The following ZHX2 variants were observed in gnomAD, a reference collection of about 807,000 sequenced individuals.
The protein encoded by ZHX2 is zinc fingers and homeoboxes 2, also known as zinc fingers and homeoboxes protein 2.
A neutral mutation model predicts 21.9 loss-of-function variants in ZHX2; 6 were observed. That is an observed-to-expected ratio of 0.27 (90% CI 0.15 to 0.54). The LOEUF (loss-of-function observed/expected upper bound fraction) is 0.54, where lower values mean the gene tolerates loss of function less well. Ranked by LOEUF, ZHX2 falls within the 20% of genes least tolerant of loss-of-function variation. The pLI is 0.95. For synonymous variants in ZHX2, 434 were observed against 437.1 expected, an observed-to-expected ratio of 0.99 and a Z score of 0.09; for missense variants, 908 against 1,090.7, an observed-to-expected ratio of 0.83 and a Z score of 2.36.
intron 2 of ZHX2, among the ~76,000 whole-genome samples, chr8:122,908,102 A>G (rs780730570): frequency 3.3e-5 from 5 of 152,264 alleles, no homozygotes; most frequent in Admixed American, 6.5e-5. Flanking sequence ...TGGAATGACA[A>G]TCCTCGCCCC....
intron 1 of ZHX2, among the ~76,000 whole-genome samples, chr8:122,854,585 T>C (rs1340447398): frequency 6.6e-6 from 1 of 152,226 alleles, no homozygotes; most frequent in African/African-American, 2.4e-5. Flanking sequence ...TCCTCACCTG[T>C]GGGACATGAA....
intron 2 of ZHX2, among the ~76,000 whole-genome samples, chr8:122,919,769 G>A (rs1265558769): frequency 6.6e-6 from 1 of 152,178 alleles, no homozygotes; most frequent in Non-Finnish European, 1.5e-5. Context: ...TCTGAGAAAT[G>A]GAGCTTCACT....
intron 1 of ZHX2, among the ~76,000 whole-genome samples, chr8:122,846,549 A>AT (rs201581677): frequency 0.062 from 6,917 of 111,214 alleles, 229 homozygotes; most frequent in Non-Finnish European, 0.067. Context: ...GACTTTGTGT[A>AT]TTTTTTTTTT....
In ZHX2 at chr8:122,953,328, C is replaced by A. The variant is rs1813187516; in HGVS notation, c.1818C>A (p.Ala606=). The A allele has an allele frequency of 6.2e-7, 1 of 1,613,880 alleles. No individual in the cohort carries two copies. Among genetic ancestry groups the A allele is most frequent in the East Asian group, 2.2e-5 (1 of 44,844 alleles). ...GCAAAAAAGGCCAAGATGTGGGAGC[C>A]CCCAATGGTGCTCTGTCTCGACTCG... ...GSGKKGQDVG[A]PNGALSRLDQ... The change falls in exon 3 of 4, where the codon GCC becomes GCA. Residue 606 remains alanine, a synonymous_variant. Coordinates refer to ENST00000314393, the MANE Select transcript of ZHX2 (RefSeq NM_014943.5). The surrounding 1 kb of genome is among the most constrained non-coding windows in gnomAD (Gnocchi z 4.6).
intron 2 of ZHX2, among the ~76,000 whole-genome samples, chr8:122,947,296 G>A (rs930815342): frequency 1.3e-5 from 2 of 151,908 alleles, no homozygotes; most frequent in Admixed American, 6.6e-5. Context: ...TGCCTTGATG[G>A]AGTTTCTGTT....
chr8:122,948,523 G>T (rs1313612893), intron 2 of ZHX2, among the ~76,000 whole-genome samples: 1 of 152,054 alleles, frequency 6.6e-6, no homozygotes, highest in Non-Finnish European at 1.5e-5. Flanking sequence ...AAATAACCAA[G>T]AACTGTTTTG....
intron 1 of ZHX2, among the ~76,000 whole-genome samples, chr8:122,827,065 G>C (rs1212132007): frequency 5.3e-5 from 8 of 152,180 alleles, no homozygotes; most frequent in African/African-American, 1.9e-4. Flanking sequence ...CTCGCTCCCA[G>C]GCTGGAGGGC....
rs114433745 is a variant in ZHX2, at chr8:122,959,742, T to C, written c.*4+5714T>C. Among the ~76,000 whole-genome samples, 1,044 of 152,292 alleles carry C rather than the reference T, an allele frequency of 6.9e-3. 8 individuals are homozygous for C. Among genetic ancestry groups the C allele is most frequent in the African/African-American group, 0.024 (990 of 41,562 alleles). On this transcript the variant is annotated intron_variant, in intron 3 of 3. Coordinates refer to ENST00000314393, the MANE Select transcript of ZHX2 (RefSeq NM_014943.5). ...CAAGAGAAAGGCCTGTTGGAGAATC[T>C]GTCACCAGATATTTACTGGTGATGC...
intron 1 of ZHX2, among the ~76,000 whole-genome samples, chr8:122,813,202 A>G (rs916152882): frequency 2.0e-5 from 3 of 151,978 alleles, no homozygotes; most frequent in African/African-American, 7.2e-5. Context: ...GTCTCAAAAA[A>G]AAAAAAAAAA....
intron 2 of ZHX2, among the ~76,000 whole-genome samples, chr8:122,927,186 T>G (rs2130118057): frequency 6.6e-6 from 1 of 152,322 alleles, no homozygotes; most frequent in East Asian, 1.9e-4. Context: ...TAGTCTGTTC[T>G]CATGCTGCTA....
intron 3 of ZHX2, among the ~76,000 whole-genome samples, chr8:122,969,015 G>A (rs1201717240): frequency 6.6e-6 from 1 of 151,986 alleles, no homozygotes; most frequent in East Asian, 1.9e-4. Context: ...AAAAATTAGA[G>A]CCGGGTGTGG....
intron 2 of ZHX2, among the ~76,000 whole-genome samples, chr8:122,895,482 T>C (rs1820078163): frequency 6.6e-6 from 1 of 152,236 alleles, no homozygotes; most frequent in Admixed American, 6.5e-5. Flanking sequence ...AATGAATTTC[T>C]ATAAGCCCTT....
intron 2 of ZHX2, among the ~76,000 whole-genome samples, chr8:122,906,115 C>T (rs1360402746): frequency 6.6e-6 from 1 of 152,180 alleles, no homozygotes; most frequent in East Asian, 1.9e-4. Flanking sequence ...TTATTATAAA[C>T]CCCAAACTAT....
chr8:122,928,678 G>A (rs1225098776), intron 2 of ZHX2, among the ~76,000 whole-genome samples: 1 of 152,176 alleles, frequency 6.6e-6, no homozygotes, highest in Non-Finnish European at 1.5e-5. Flanking sequence ...TGGGACTAGT[G>A]TGGAGCCATC....
At chr8:122,797,531 T>C (rs972397668) in intron 1 of ZHX2, among the ~76,000 whole-genome samples, 3 of 152,196 alleles carry the variant, frequency 2.0e-5, no homozygotes, top group Admixed American at 6.5e-5. Context: ...AGGCAACCAA[T>C]TTCCCTTTTA....
rs2130297204 is a variant in ZHX2 at position 122,953,824 on chromosome 8, T to C, written c.2314T>C (p.Ser772Pro). The stretch of plus-strand genomic sequence containing the variant: ...GCCCTCAGAGGCCACCTCAGACCGG[T>C]CAGAGGGCAGCAGCCGGGACGGCCA... ...AKPSEATSDRSEGSSRDGQGS... is the reference protein window; with the variant it reads ...AKPSEATSDRPEGSSRDGQGS... Residue 772 changes from serine to proline, a missense_variant, in exon 3 of 4, where the codon TCA becomes CCA. Ser to Pro is a moderately conservative substitution (Grantham distance 74). Coordinates refer to ENST00000314393, the MANE Select transcript of ZHX2 (RefSeq NM_014943.5). The surrounding 1 kb of genome is among the most constrained non-coding windows in gnomAD (Gnocchi z 4.6). 1 of 1,614,146 alleles carries C rather than the reference T, an allele frequency of 6.2e-7. No homozygotes were observed. The highest frequency in any genetic ancestry group is 2.2e-5 in the East Asian group (1 of 44,882).
chr8:122,948,930 T>C (rs1447024370), intron 2 of ZHX2, among the ~76,000 whole-genome samples: 1 of 152,210 alleles, frequency 6.6e-6, no homozygotes, highest in East Asian at 1.9e-4. Context: ...AAAATCACAA[T>C]GAAAGAGGCT....
At chr8:122,955,251 G>C (rs750411824) in intron 3 of ZHX2, among the ~76,000 whole-genome samples, 1 of 54,286 alleles carries the variant, frequency 1.8e-5, no homozygotes, top group African/African-American at 1.1e-4. Context: ...GGGAGGGCTG[G>C]TGGGAGGGAA....
At chr8:122,886,618 G>A (rs35629958) in intron 2 of ZHX2, among the ~76,000 whole-genome samples, 3,596 of 152,228 alleles carry the variant, frequency 0.024, 92 homozygotes, top group African/African-American at 0.067. Context: ...ATTTTTTTCT[G>A]TAGACCTAAA....
Sources: gnomAD v4.1 joint callset for allele counts (sites outside exome capture counted in the v4.1 genomes callset) on GRCh38, gnomAD v4.1.1 for gene constraint, Gnocchi (gnomAD v3.1) non-coding constraint, MANE v1.5 for transcripts, NCBI Gene and HGNC (gene_info 2026-07-23, HGNC 2026-07-21) for gene names.